OTOF: variants seen among roughly 807,000 people sequenced by gnomAD.
OTOF encodes the protein otoferlin, also known as fer-1-like family member 2.
A neutral mutation model predicts 236.8 loss-of-function variants in OTOF; 218 were observed. The observed-to-expected ratio is 0.92, with a 90% CI of 0.82 to 1.03. OTOF has a LOEUF of 1.03. OTOF is among the 50% of genes least tolerant of loss of function. The pLI, the probability that OTOF is intolerant of heterozygous loss-of-function variation, is 0.00. For synonymous variants in OTOF, 1,041 were observed against 1,072.5 expected, an observed-to-expected ratio of 0.97 and a Z score of 0.57; for missense variants, 2,590 against 2,694.4, an observed-to-expected ratio of 0.96 and a Z score of 0.86.
intron 2 of OTOF, among the ~76,000 whole-genome samples, chr2:26,530,602 C>G (rs1296163857): frequency 6.6e-6 from 1 of 152,136 alleles, no homozygotes; most frequent in Non-Finnish European, 1.5e-5. Flanking sequence ...TGTCTCCCTC[C>G]CGCATTTTCC....
chr2:26,471,083 C>T (rs771470667), intron 31 of OTOF, 38 bp downstream of exon 31: 17 of 1,612,548 alleles, frequency 1.1e-5, no homozygotes, highest in Non-Finnish European at 1.4e-5. Flanking sequence ...ATAAAGGACC[C>T]TCTCACCCCA....
intron 2 of OTOF, among the ~76,000 whole-genome samples, chr2:26,535,340 A>C (rs1161397861): frequency 6.6e-6 from 1 of 152,150 alleles, no homozygotes. Context: ...TCTGTGGATG[A>C]TTTCGGAGAT....
intron 40 of OTOF, 46 bp from the exon 41 acceptor site, chr2:26,463,617 G>GC: frequency 6.8e-7 from 1 of 1,462,042 alleles, no homozygotes. Flanking sequence ...TTCTCCCTCT[G>GC]CCCAGGAAGA....
At chr2:26,510,785 A>G (rs1312225798) in intron 5 of OTOF, 3 of 1,262,488 alleles carry the variant, frequency 2.4e-6, no homozygotes, top group Non-Finnish European at 3.1e-6. Flanking sequence ...ACAAGGGGAC[A>G]CGTGTGAGGG....
intron 1 of OTOF, among the ~76,000 whole-genome samples, chr2:26,539,461 C>T (rs1056402392): frequency 6.6e-6 from 1 of 152,196 alleles, no homozygotes; most frequent in South Asian, 2.1e-4. Context: ...CCCCCCTGGG[C>T]GCAGTGGCTC....
At chr2:26,485,791 G>A (rs563363932) in intron 11 of OTOF, among the ~76,000 whole-genome samples, 1 of 152,324 alleles carries the variant, frequency 6.6e-6, no homozygotes, top group East Asian at 1.9e-4. Context: ...GCCTTTCTGG[G>A]AATAGCCAGG....
chr2:26,485,679 A>T (rs1665682482), intron 11 of OTOF, among the ~76,000 whole-genome samples: 1 of 151,518 alleles, frequency 6.6e-6, no homozygotes, highest in African/African-American at 2.4e-5. Flanking sequence ...TCCCTCCTTC[A>T]CTCCCTCCTC....
At chr2:26,547,815 T>C (rs1667370326) in intron 1 of OTOF, among the ~76,000 whole-genome samples, 1 of 152,172 alleles carries the variant, frequency 6.6e-6, no homozygotes, top group African/African-American at 2.4e-5. Flanking sequence ...CACTCCAGCC[T>C]GGGTGACAGT....
Position 26,473,282 on chromosome 2 carries a change from T to C in OTOF, c.3583A>G (p.Asn1195Asp), listed in dbSNP as rs1260698407. 4.3e-6 allele frequency: 7 copies of C among 1,613,034 alleles called. No individual in the cohort carries two copies. Among genetic ancestry groups the C allele is most frequent in the Non-Finnish European group, 5.1e-6 (6 of 1,179,814 alleles). ...TTCAAGGGCGGGTGCAGCAGCTCGT[T>C]CTCTGGGAGGTCCTGGGGTGTTGGC... is the stretch of plus-strand genomic sequence containing the variant. ...VKWFEVDLPE[N>D]ELLHPPLNIR... is the part of the protein sequence containing the mutation. Residue 1195 changes from asparagine to aspartate, a missense_variant, in exon 29 of 47, where the codon AAC becomes GAC. Physicochemically the swap from Asn to Asp is conservative, Grantham distance 23 (BLOSUM62 1). Around this residue, in one of 2 missense-constraint regions of OTOF, gnomAD observed 1,211 missense variants for 1,352.8 expected, o/e 0.90. Transcript: ENST00000272371. The surrounding 1 kb of genome is among the most constrained non-coding windows in gnomAD (Gnocchi z 7.2).
At chr2:26,466,886 T>C in intron 35 of OTOF, 35 bp from the exon 36 acceptor site, 1 of 1,614,070 alleles carries the variant, frequency 6.2e-7, no homozygotes, top group South Asian at 1.1e-5. Flanking sequence ...GGTGTAGGTT[T>C]GCCTGGCAAG....
intron 29 of OTOF, among the ~76,000 whole-genome samples, chr2:26,472,871 C>G (rs565164453): frequency 1.3e-5 from 2 of 152,240 alleles, no homozygotes; most frequent in East Asian, 3.9e-4. Context: ...GGCGGGGAGG[C>G]CTGGGTCTTC....
At chr2:26,508,279 T>C (rs1458698284) in intron 5 of OTOF, among the ~76,000 whole-genome samples, 1 of 152,262 alleles carries the variant, frequency 6.6e-6, no homozygotes, top group Non-Finnish European at 1.5e-5. Flanking sequence ...GAGCATGTTA[T>C]CCAAGCGCCC....
At position 26,458,037 on chromosome 2, in the gene OTOF, C is replaced by A; in HGVS notation, c.*201G>T. 3 of 1,610,708 alleles carry A rather than the reference C, an allele frequency of 1.9e-6. No homozygotes were observed. Among genetic ancestry groups the A allele is most frequent in the Non-Finnish European group, 2.5e-6 (3 of 1,177,556 alleles). On this transcript the variant is annotated 3_prime_UTR_variant, in exon 47 of 47. Coordinates refer to ENST00000272371, the MANE Select transcript of OTOF (RefSeq NM_194248.3). ...GGGAGCGGCTGGCGGGAGCTGGCGG[C>A]CTTCATGCCCCAAGGAGCTTTTTGA...
chr2:26,480,898 G>A lies in OTOF; in HGVS notation c.1691C>T (p.Ser564Phe). The change falls in exon 15 of 47, where the codon TCC becomes TTC. Residue 564 changes from serine (S) to phenylalanine (F), a missense_variant. By Grantham distance (155) the Ser-to-Phe change is radical (BLOSUM62 -2). This residue lies in a region of OTOF where 1,379 missense variants were observed against 1,341.6 expected (regional missense o/e 1.03). Transcript: ENST00000272371. ...GCCCAGCAGGAGCCGGGCCCGGAAG[G>A]ACACACCCTCCCCCAGGCCCTCGTT... ...DLNEGLGEGVSFRARLLLGLA... is the reference protein window; with the variant it reads ...DLNEGLGEGVFFRARLLLGLA... 6.2e-7 allele frequency: 1 copy of A among 1,612,990 alleles called. No homozygotes were observed. Among genetic ancestry groups the A allele is most frequent in the Non-Finnish European group, 8.5e-7 (1 of 1,179,952 alleles).
In OTOF at chr2:26,474,663, G is replaced by T; in HGVS notation, c.3138C>A (p.Asp1046Glu). 1 of 1,613,316 alleles carries T rather than the reference G, an allele frequency of 6.2e-7. No homozygotes were observed. Among genetic ancestry groups the T allele is most frequent in the Non-Finnish European group, 8.5e-7 (1 of 1,180,014 alleles). Residue 1046 changes from aspartate to glutamate, a missense_variant, in exon 26 of 47, where the codon GAC becomes GAA. This residue lies in a region of OTOF where 1,211 missense variants were observed against 1,352.8 expected (regional missense o/e 0.90). Coordinates refer to ENST00000272371, the MANE Select transcript of OTOF (RefSeq NM_194248.3). ...IYDQDSMGKA[D>E]FMGRTFAKPL... ...GTTTGGCGAAGGTCCGGCCCATGAA[G>T]TCAGCTTTGCCCTGACGCAACAGAC...
At chr2:26,498,918 G>C (rs1041100752) in intron 8 of OTOF, among the ~76,000 whole-genome samples, 8 of 152,144 alleles carry the variant, frequency 5.3e-5, no homozygotes, top group Admixed American at 2.6e-4. Context: ...GTTTGCTCCA[G>C]TGGTGGCATG....
intron 8 of OTOF, among the ~76,000 whole-genome samples, chr2:26,500,613 G>A (rs1270653904): frequency 1.3e-5 from 2 of 152,198 alleles, no homozygotes; most frequent in Non-Finnish European, 2.9e-5. Context: ...AAACCACAGG[G>A]GCAGGTCCGT....
chr2:26,536,689 T>C (rs2148121716), intron 2 of OTOF, among the ~76,000 whole-genome samples: 1 of 152,182 alleles, frequency 6.6e-6, no homozygotes, highest in African/African-American at 2.4e-5. Context: ...ATGAGGCCCT[T>C]CCCAGCCCCC....
At chr2:26,481,956 TC>T (rs1201328842) in intron 14 of OTOF, among the ~76,000 whole-genome samples, 1 of 152,140 alleles carries the variant, frequency 6.6e-6, no homozygotes, top group Non-Finnish European at 1.5e-5. Flanking sequence ...TCACTCTATG[TC>T]CTTGGAACCC....
Sources: allele counts gnomAD v4.1 joint callset (sites outside exome capture counted in the v4.1 genomes callset), GRCh38; gene constraint gnomAD v4.1.1; regional missense constraint gnomAD v4.1.1; non-coding constraint Gnocchi (gnomAD v3.1); transcripts MANE v1.5; gene names NCBI Gene and HGNC (gene_info 2026-07-23, HGNC 2026-07-21).